Variants in EPB41L1 observed in about 807,000 individuals in gnomAD.
The protein encoded by EPB41L1 is band 4.1-like protein 1.
Under a neutral mutation model 97.8 loss-of-function variants are expected in EPB41L1, and 29 were observed. That is an observed-to-expected ratio of 0.30 (90% CI 0.22 to 0.40). The LOEUF (loss-of-function observed/expected upper bound fraction) is 0.40, where lower values mean the gene tolerates loss of function less well. EPB41L1 is among the 10% of genes least tolerant of loss of function. EPB41L1 has a pLI of 1.00. For missense variants in EPB41L1, 812 were observed against 1,162.3 expected (o/e 0.70, Z 4.38); for synonymous variants, 383 against 459.2 (o/e 0.83, Z 2.12).
chr20:36,227,338 C>CGAAG (rs1253021742), intron 21 of EPB41L1, among the ~76,000 whole-genome samples: 2 of 151,922 alleles, frequency 1.3e-5, no homozygotes, highest in Non-Finnish European at 2.9e-5. Flanking sequence ...AAAAACGAAA[C>CGAAG]GAAGGAAGGA....
intron 1 of EPB41L1, among the ~76,000 whole-genome samples, chr20:36,164,312 C>T (rs2060648955): frequency 1.3e-5 from 2 of 152,228 alleles, no homozygotes; most frequent in Admixed American, 1.3e-4. Context: ...ATGGGAGAGA[C>T]ATGTCCTCTG....
chr20:36,194,295 G>T lies in EPB41L1; in HGVS notation c.1384G>T (p.Gly462Trp), dbSNP rs141329083. 1 of 1,614,148 alleles carries T rather than the reference G, an allele frequency of 6.2e-7. No individual in the cohort carries two copies. Among genetic ancestry groups the T allele is most frequent in the East Asian group, 2.2e-5 (1 of 44,882 alleles). Residue 462 changes from glycine to tryptophan, a missense_variant, in exon 12 of 22, where the codon GGG (glycine) becomes TGG (tryptophan). Transcript: ENST00000338074. ...CAAGCGGGATGAGGATGGCGAGTCT[G>T]GGGGGCAACGGTCAGAGGCTGAGGA... The part of the protein sequence containing the change: ...GDKRDEDGES[G>W]GQRSEAEEGE...
At position 36,130,407 on chromosome 20, in the gene EPB41L1, G is replaced by A. The variant is rs531170765; in HGVS notation, c.-10+17927G>A. ...TTCTTGCACAGTCATAATTTCTACC[G>A]CATCATCAGTACTGTCCTGCATTTT... On this transcript the variant is annotated intron_variant, in intron 2 of 19. Coordinates refer to the EPB41L1 transcript ENST00000202028. 1.7e-3 allele frequency among the ~76,000 whole-genome samples: 254 copies of A among 152,124 alleles called. 1 individual carries two copies. The highest frequency in any genetic ancestry group is 5.9e-3 in the African/African-American group (243 of 41,496).
rs1214908952 is a variant in EPB41L1, at chr20:36,212,171, G to T, written c.2080-101G>T. The T allele has an allele frequency of 9.1e-7, 1 of 1,101,222 alleles. No homozygotes were observed. The highest frequency in any genetic ancestry group is 2.4e-5 in the East Asian group (1 of 41,934). The allele number at this position is 1,101,222 out of a possible 1,614,324, so 68.2% of individuals were successfully genotyped here. On this transcript the variant is annotated intron_variant, in intron 15 of 21. Coordinates refer to ENST00000338074, the MANE Select transcript of EPB41L1 (RefSeq NM_012156.2). This position sits in a 1 kb window ranked among gnomAD's most constrained non-coding sequence, Gnocchi z 4.8. Reference sequence around the variant, plus strand: ...CCCTTCCAGAGATGTGGCCAGCTGTGGGGATAGGAGATAGCCTGCAGACAC... The same window carrying T: ...CCCTTCCAGAGATGTGGCCAGCTGTTGGGATAGGAGATAGCCTGCAGACAC...
intron 2 of EPB41L1, among the ~76,000 whole-genome samples, chr20:36,115,753 G>A (rs963346326): frequency 2.6e-5 from 4 of 152,218 alleles, no homozygotes; most frequent in African/African-American, 7.2e-5. Flanking sequence ...TTAGCCAGGC[G>A]TGGTGGAGCA....
chr20:36,120,267 G>A (rs1353719382), intron 2 of EPB41L1, among the ~76,000 whole-genome samples: 1 of 152,196 alleles, frequency 6.6e-6, no homozygotes, highest in Non-Finnish European at 1.5e-5. Context: ...GGAAACTGAG[G>A]CACGGAAAGG....
intron 5 of EPB41L1, 34 bp downstream of exon 5, chr20:36,178,706 G>A (rs776603118): frequency 6.2e-7 from 1 of 1,612,468 alleles, no homozygotes; most frequent in Non-Finnish European, 8.5e-7. Flanking sequence ...GAGGTGGGTG[G>A]GTGAGGGGAT....
intron 14 of EPB41L1, among the ~76,000 whole-genome samples, chr20:36,198,453 A>G (rs2062325639): frequency 6.6e-6 from 1 of 152,202 alleles, no homozygotes. Flanking sequence ...GAGAATCCCA[A>G]TAGCTCTCTC....
In EPB41L1 at chr20:36,227,223, G is replaced by A. The variant is rs563189577; in HGVS notation, c.2638-2109G>A. Among the ~76,000 whole-genome samples the A allele has an allele frequency of 2.3e-4, 35 of 152,176 alleles. No homozygotes were observed. In the East Asian group the frequency reaches 5.8e-3, roughly 25 times the overall value. On this transcript the variant is annotated intron_variant, in intron 21 of 21. Transcript: ENST00000338074. ...TCCCAGCTACTTGGGAAGTTGAAGC[G>A]GGAGGATTGCTTGAGTCCAGGAGGT...
chr20:36,116,635 G>A (rs2147635895), intron 2 of EPB41L1, among the ~76,000 whole-genome samples: 1 of 152,256 alleles, frequency 6.6e-6, no homozygotes, highest in South Asian at 2.1e-4. Context: ...AGTGCTCCAG[G>A]CACCAGAATG....
intron 2 of EPB41L1, among the ~76,000 whole-genome samples, chr20:36,131,542 G>T (rs1249167426): frequency 6.6e-6 from 1 of 152,122 alleles, no homozygotes; most frequent in Non-Finnish European, 1.5e-5. Flanking sequence ...GGCTGCCTGG[G>T]TTCAAACCAG....
chr20:36,134,279 C>T (rs983851617), intron 2 of EPB41L1, among the ~76,000 whole-genome samples: 2 of 152,224 alleles, frequency 1.3e-5, no homozygotes, highest in Admixed American at 1.3e-4. Flanking sequence ...AAATTGGAAA[C>T]TCCAGTAGAC....
intron 2 of EPB41L1, among the ~76,000 whole-genome samples, chr20:36,126,420 G>A (rs2058970881): frequency 6.7e-6 from 1 of 149,294 alleles, no homozygotes; most frequent in Non-Finnish European, 1.5e-5. Context: ...AGGCTGGAGT[G>A]CAATGGCGTG....
chr20:36,163,220 A>G (rs1379102552), intron 1 of EPB41L1, among the ~76,000 whole-genome samples: 1 of 152,084 alleles, frequency 6.6e-6, no homozygotes, highest in Non-Finnish European at 1.5e-5. Context: ...AAATACGGAG[A>G]AAAAGGCCCC....
At chr20:36,140,043 T>TTTG (rs199632056) in intron 2 of EPB41L1, among the ~76,000 whole-genome samples, 2 of 149,270 alleles carry the variant, frequency 1.3e-5, no homozygotes, top group East Asian at 2.0e-4. Flanking sequence ...GTGGTTTTTT[T>TTTG]TTGTTGTTGT....
intron 2 of EPB41L1, among the ~76,000 whole-genome samples, chr20:36,133,670 A>G (rs2059306551): frequency 6.6e-6 from 1 of 152,168 alleles, no homozygotes; most frequent in African/African-American, 2.4e-5. Context: ...CAGCCTGGGC[A>G]ATATGCAAAC....
intron 13 of EPB41L1, 168 bp from the exon 14 acceptor site, chr20:36,197,691 C>T: frequency 1.0e-6 from 1 of 985,348 alleles, no homozygotes. Context: ...GGGTGGTTCT[C>T]CTTGCCCTGG....
intron 1 of EPB41L1, among the ~76,000 whole-genome samples, chr20:36,111,898 G>T (rs1461243278): frequency 6.6e-6 from 1 of 152,162 alleles, no homozygotes; most frequent in Non-Finnish European, 1.5e-5. Flanking sequence ...GTGGACAGCA[G>T]GGGGTATAAC....
chr20:36,227,008 T>A (rs935016538), intron 21 of EPB41L1, among the ~76,000 whole-genome samples: 4 of 152,172 alleles, frequency 2.6e-5, no homozygotes, highest in Non-Finnish European at 5.9e-5. Context: ...TTGAGTAGTA[T>A]TCTTTCTACT....
Sources: gnomAD v4.1 joint callset for allele counts (sites outside exome capture counted in the v4.1 genomes callset) on GRCh38, gnomAD v4.1.1 for gene constraint, Gnocchi (gnomAD v3.1) non-coding constraint, MANE v1.5 for transcripts, NCBI Gene and HGNC (gene_info 2026-07-23, HGNC 2026-07-21) for gene names.